Variants in PTPRZ1 observed in about 807,000 individuals in gnomAD.
The protein encoded by PTPRZ1 is protein tyrosine phosphatase receptor type Z1.
In PTPRZ1, 82 loss-of-function variants were observed where a neutral mutation model predicts 214.1. The observed-to-expected ratio is 0.38, with a 90% CI of 0.32 to 0.46. PTPRZ1 has a LOEUF of 0.46. Among genes scored for constraint, PTPRZ1 ranks in the 20% least tolerant of loss-of-function variants. PTPRZ1 has a pLI of 1.00. For missense variants in PTPRZ1, 2,603 were observed against 2,748.7 expected (o/e 0.95, Z 1.19); for synonymous variants, 945 against 987.9 (o/e 0.96, Z 0.81).
intron 1 of PTPRZ1, chr7:121,908,366 A>ATCATT: frequency 8.1e-6 from 2 of 247,292 alleles, no homozygotes; most frequent in Non-Finnish European, 1.6e-5. Flanking sequence ...TCCCTTTGGA[A>ATCATT]AAGAATATCA....
At chr7:121,905,329 C>A (rs1563010652) in intron 1 of PTPRZ1, among the ~76,000 whole-genome samples, 1 of 152,034 alleles carries the variant, frequency 6.6e-6, no homozygotes, top group Non-Finnish European at 1.5e-5. Flanking sequence ...CCCCAGCATC[C>A]CTCACACCTC....
rs887820030 is a variant in PTPRZ1, at chr7:121,908,080, A to T, written c.59-20076A>T. Among the ~76,000 whole-genome samples, 20 of 152,250 alleles carry T rather than the reference A, an allele frequency of 1.3e-4. No individual in the cohort carries two copies. The South Asian group carries it at 1.9e-3, about 14-fold the overall frequency. On this transcript the variant is annotated intron_variant, in intron 1 of 29. Coordinates refer to ENST00000393386, the MANE Select transcript of PTPRZ1 (RefSeq NM_002851.3). Reference sequence around the variant, plus strand: ...TTTGAACATACTAAGCTCTAACCAAATGTGTCAAGTGTTGCCAAATAAATA... The same window carrying T: ...TTTGAACATACTAAGCTCTAACCAATTGTGTCAAGTGTTGCCAAATAAATA...
intron 17 of PTPRZ1, 57 bp from the exon 18 acceptor site, chr7:122,036,543 T>C: frequency 8.9e-7 from 1 of 1,127,766 alleles, no homozygotes; most frequent in Non-Finnish European, 1.3e-6. Flanking sequence ...ATATGAATTA[T>C]CTTTGTGCTG....
At chr7:121,961,791 T>C (rs1796888650) in intron 2 of PTPRZ1, among the ~76,000 whole-genome samples, 1 of 152,176 alleles carries the variant, frequency 6.6e-6, no homozygotes, top group Admixed American at 6.5e-5. Flanking sequence ...CAAAATACAG[T>C]ATGTTAAGTG....
intron 1 of PTPRZ1, among the ~76,000 whole-genome samples, chr7:121,893,909 C>T (rs1794711651): frequency 1.3e-5 from 2 of 151,896 alleles, no homozygotes; most frequent in East Asian, 1.9e-4. Context: ...ACTTCTTTAT[C>T]CTCCTTCAGG....
chr7:121,878,633 A>G (rs946589727), intron 1 of PTPRZ1, among the ~76,000 whole-genome samples: 3 of 152,196 alleles, frequency 2.0e-5, no homozygotes, highest in Non-Finnish European at 2.9e-5. Context: ...CTCTGCTCCC[A>G]TAGTACATTT....
intron 14 of PTPRZ1, 36 bp from the exon 15 acceptor site, chr7:122,031,438 A>G: frequency 6.8e-7 from 1 of 1,479,092 alleles, no homozygotes; most frequent in Non-Finnish European, 9.4e-7. Context: ...TTTCTGTTAA[A>G]TTATGCTCTC....
intron 1 of PTPRZ1, among the ~76,000 whole-genome samples, chr7:121,912,032 G>A (rs1312983977): frequency 2.0e-5 from 3 of 152,048 alleles, no homozygotes; most frequent in Non-Finnish European, 4.4e-5. Flanking sequence ...TTATGATGAA[G>A]CATTTTCCAG....
chr7:121,903,964 T>TCACACACACACACACA (rs200372497), intron 1 of PTPRZ1, among the ~76,000 whole-genome samples: 4 of 81,614 alleles, frequency 4.9e-5, no homozygotes, highest in Admixed American at 1.2e-4. Context: ...AGTCTTTAAA[T>TCACACACACACACACA]CTCACACACA....
intron 22 of PTPRZ1, among the ~76,000 whole-genome samples, chr7:122,043,877 C>T (rs1799803422): frequency 1.3e-5 from 2 of 152,190 alleles, no homozygotes; most frequent in Admixed American, 6.5e-5. Context: ...ACAAGTTGAC[C>T]TGTGTAACAA....
Position 122,031,488 on chromosome 7 carries a change from A to G in PTPRZ1, c.5095A>G (p.Ile1699Val). 1 of 1,611,278 alleles carries G rather than the reference A, an allele frequency of 6.2e-7. No homozygotes were observed. Among genetic ancestry groups the G allele is most frequent in the Non-Finnish European group, 8.5e-7 (1 of 1,178,320 alleles). The change falls in exon 15 of 30, where the codon ATT becomes GTT. Residue 1699 changes from isoleucine (I) to valine (V), a missense_variant. Ile to Val is a conservative substitution (Grantham distance 29). This residue lies in a region of PTPRZ1 where 1,913 missense variants were observed against 1,914.3 expected (regional missense o/e 1.00). Transcript: ENST00000393386. Reference protein sequence around the residue: ...IFPISDDVGAIPIKHFPKHVA... With the variant: ...IFPISDDVGAVPIKHFPKHVA... ...TATTCACGTAGATGATGTCGGAGCA[A>G]TTCCAATAAAGCACTTTCCAAAGCA... is the stretch of plus-strand genomic sequence containing the variant.
intron 1 of PTPRZ1, among the ~76,000 whole-genome samples, chr7:121,926,910 C>T (rs1795781473): frequency 6.6e-6 from 1 of 152,072 alleles, no homozygotes; most frequent in Non-Finnish European, 1.5e-5. Context: ...TTAAACACAA[C>T]CAAAACCTTT....
intron 6 of PTPRZ1, among the ~76,000 whole-genome samples, chr7:121,982,876 C>T (rs1463974211): frequency 6.6e-6 from 1 of 152,018 alleles, no homozygotes; most frequent in South Asian, 2.1e-4. Flanking sequence ...CAGGTTCAAG[C>T]GACTCACTCT....
At chr7:121,959,976 G>A (rs370887515) in intron 2 of PTPRZ1, among the ~76,000 whole-genome samples, 1 of 152,198 alleles carries the variant, frequency 6.6e-6, no homozygotes, top group East Asian at 1.9e-4. Flanking sequence ...GAAGATTACT[G>A]TAGTCTTCAC....
chr7:121,939,826 G>C (rs1307438479), intron 2 of PTPRZ1, among the ~76,000 whole-genome samples: 2 of 152,078 alleles, frequency 1.3e-5, no homozygotes, highest in African/African-American at 4.8e-5. Flanking sequence ...TTTTTTTAAA[G>C]CATGGTAAAT....
At chr7:122,004,522 T>C in intron 10 of PTPRZ1, 92 bp from the exon 11 acceptor site, 2 of 693,480 alleles carry the variant, frequency 2.9e-6, no homozygotes, top group Non-Finnish European at 4.8e-6. Context: ...TTTTTTATTC[T>C]TTTTAATTTT....
intron 23 of PTPRZ1, among the ~76,000 whole-genome samples, chr7:122,045,756 G>T (rs1354750046): frequency 1.3e-5 from 2 of 150,126 alleles, no homozygotes; most frequent in Non-Finnish European, 3.0e-5. Flanking sequence ...AATATGATTT[G>T]CCCCTGTGTA....
chr7:121,975,957 G>A (rs61598949), intron 4 of PTPRZ1, among the ~76,000 whole-genome samples: 81 of 152,058 alleles, frequency 5.3e-4, no homozygotes, highest in African/African-American at 1.6e-3. Flanking sequence ...TAAATTTTAC[G>A]GCACAGTCCC....
At chr7:121,962,234 G>C (rs936496741) in intron 2 of PTPRZ1, among the ~76,000 whole-genome samples, 4 of 152,016 alleles carry the variant, frequency 2.6e-5, no homozygotes, top group African/African-American at 4.8e-5. Context: ...GGATCACAAG[G>C]TCAGGAGTTC....
Sources: allele counts gnomAD v4.1 joint callset (sites outside exome capture counted in the v4.1 genomes callset), GRCh38; gene constraint gnomAD v4.1.1; regional missense constraint gnomAD v4.1.1; transcripts MANE v1.5; gene names NCBI Gene and HGNC (gene_info 2026-07-23, HGNC 2026-07-21).